Variants in CSGALNACT1 observed in about 807,000 individuals in gnomAD.
The protein encoded by CSGALNACT1 is chondroitin sulfate N-acetylgalactosaminyltransferase 1.
CSGALNACT1 carries 52 observed loss-of-function variants against 51.0 expected under a neutral mutation model. The observed-to-expected ratio is 1.02, with a 90% CI of 0.82 to 1.29. The LOEUF (loss-of-function observed/expected upper bound fraction) is 1.29, where lower values mean the gene tolerates loss of function less well. Ranked by LOEUF, CSGALNACT1 falls within the 50% of genes most tolerant of loss-of-function variation. The probability of loss-of-function intolerance (pLI) is 0.00; values close to 1 mark genes in which losing one functional copy is unlikely to be tolerated. For synonymous variants in CSGALNACT1, 341 were observed against 254.4 expected (o/e 1.34, Z -3.24); for missense variants, 935 against 679.2 (o/e 1.38, Z -4.19).
At chr8:19,440,922 T>C (rs1052855503) in intron 5 of CSGALNACT1, among the ~76,000 whole-genome samples, 12 of 151,966 alleles carry the variant, frequency 7.9e-5, no homozygotes, top group African/African-American at 2.7e-4. Context: ...TATACACCAA[T>C]AACAGACAAA....
intron 3 of CSGALNACT1, among the ~76,000 whole-genome samples, chr8:19,524,357 C>T (rs180789357): frequency 4.6e-5 from 7 of 152,116 alleles, no homozygotes; most frequent in Non-Finnish European, 2.9e-5. Context: ...CCGCTATTAA[C>T]GATGCATGTT....
intron 1 of CSGALNACT1, among the ~76,000 whole-genome samples, chr8:19,722,567 G>T (rs561459899): frequency 6.6e-6 from 1 of 152,270 alleles, no homozygotes; most frequent in African/African-American, 2.4e-5. Context: ...CCAGCCTAGG[G>T]TCATGGGTGG....
chr8:19,514,737 G>T (rs1374837433), intron 3 of CSGALNACT1, among the ~76,000 whole-genome samples: 1 of 150,946 alleles, frequency 6.6e-6, no homozygotes, highest in Non-Finnish European at 1.5e-5. Flanking sequence ...GGAGGCTGAG[G>T]AAGGAAAATC....
At chr8:19,465,565 C>A (rs1010189837) in intron 4 of CSGALNACT1, among the ~76,000 whole-genome samples, 2 of 152,196 alleles carry the variant, frequency 1.3e-5, no homozygotes, top group Non-Finnish European at 2.9e-5. Context: ...ACAGACACAG[C>A]CCATGCACAT....
intron 1 of CSGALNACT1, among the ~76,000 whole-genome samples, chr8:19,631,911 G>C (rs541526940): frequency 6.6e-6 from 1 of 152,288 alleles, no homozygotes; most frequent in African/African-American, 2.4e-5. Context: ...TTCTTCTATA[G>C]CTTATCCAGA....
At chr8:19,587,845 C>T (rs149972892) in intron 3 of CSGALNACT1, 1 of 152,116 alleles carries the variant, frequency 6.6e-6, no homozygotes, top group African/African-American at 2.4e-5. Flanking sequence ...TAATAAACTT[C>T]CAGCTATGAT....
chr8:19,644,338 T>C (rs1292508176), intron 1 of CSGALNACT1, among the ~76,000 whole-genome samples: 1 of 151,946 alleles, frequency 6.6e-6, no homozygotes, highest in African/African-American at 2.4e-5. Flanking sequence ...TATTTCTTTT[T>C]TGTTTTCACA....
chr8:19,692,155 C>T (rs1393701369), intron 1 of CSGALNACT1, among the ~76,000 whole-genome samples: 1 of 152,158 alleles, frequency 6.6e-6, no homozygotes, highest in African/African-American at 2.4e-5. Context: ...CCCCATGATC[C>T]AATCACCTCC....
intron 1 of CSGALNACT1, among the ~76,000 whole-genome samples, chr8:19,613,537 C>T (rs1202333754): frequency 1.3e-5 from 2 of 152,204 alleles, no homozygotes; most frequent in Admixed American, 6.6e-5. Context: ...CATTGTTTTG[C>T]TAAAGCAGTT....
chr8:19,583,889 G>A (rs1256141820), intron 3 of CSGALNACT1, among the ~76,000 whole-genome samples: 1 of 152,170 alleles, frequency 6.6e-6, no homozygotes, highest in Non-Finnish European at 1.5e-5. Flanking sequence ...CATACTTTGG[G>A]TTTGAGAGAA....
chr8:19,728,856 C>T (rs2063542303), intron 1 of CSGALNACT1, among the ~76,000 whole-genome samples: 3 of 152,056 alleles, frequency 2.0e-5, no homozygotes, highest in African/African-American at 4.8e-5. Flanking sequence ...AACTCACCCA[C>T]CTTTGGCATA....
chr8:19,679,780 A>C (rs1162136001), intron 1 of CSGALNACT1, among the ~76,000 whole-genome samples: 1 of 152,128 alleles, frequency 6.6e-6, no homozygotes, highest in East Asian at 1.9e-4. Flanking sequence ...TCTGACATAC[A>C]AGAGGGTGGA....
At chr8:19,740,426 T>C (rs560360943) in intron 1 of CSGALNACT1, among the ~76,000 whole-genome samples, 1 of 152,214 alleles carries the variant, frequency 6.6e-6, no homozygotes, top group African/African-American at 2.4e-5. Flanking sequence ...TCCTCCAGGA[T>C]GAAAGGACAG....
intron 1 of CSGALNACT1, among the ~76,000 whole-genome samples, chr8:19,719,625 T>C (rs10503661): frequency 0.17 from 26,496 of 152,166 alleles, 2,698 homozygotes; most frequent in East Asian, 0.5. Context: ...TGTTGTTTCT[T>C]ACTGGGATTC....
At chr8:19,619,692 C>A (rs1401761650) in intron 1 of CSGALNACT1, among the ~76,000 whole-genome samples, 1 of 152,216 alleles carries the variant, frequency 6.6e-6, no homozygotes, top group African/African-American at 2.4e-5. Context: ...GTTCAAAACA[C>A]AGTTTTGAAC....
chr8:19,657,871 G>A (rs1286715172), intron 1 of CSGALNACT1, among the ~76,000 whole-genome samples: 1 of 151,998 alleles, frequency 6.6e-6, no homozygotes, highest in Non-Finnish European at 1.5e-5. Context: ...GAGCACCTTG[G>A]GCACCCCCGA....
intron 3 of CSGALNACT1, among the ~76,000 whole-genome samples, chr8:19,550,615 A>C (rs1450051248): frequency 6.6e-6 from 1 of 152,082 alleles, no homozygotes; most frequent in East Asian, 1.9e-4. Flanking sequence ...GACGATCCTC[A>C]AATGTATAGT....
At chr8:19,612,643 C>T (rs1341477269) in intron 1 of CSGALNACT1, among the ~76,000 whole-genome samples, 1 of 151,910 alleles carries the variant, frequency 6.6e-6, no homozygotes, top group Non-Finnish European at 1.5e-5. Context: ...GGAGGCAGCC[C>T]CCACCCAGAA....
chr8:19,451,118 G>C (rs1194347064), intron 5 of CSGALNACT1, among the ~76,000 whole-genome samples: 2 of 152,068 alleles, frequency 1.3e-5, no homozygotes, highest in African/African-American at 4.8e-5. Flanking sequence ...TCATTTATTT[G>C]GTGGTTCAAT....
Sources: allele counts gnomAD v4.1 joint callset (sites outside exome capture counted in the v4.1 genomes callset), GRCh38; gene constraint gnomAD v4.1.1; transcripts MANE v1.5; gene names NCBI Gene and HGNC (gene_info 2026-07-23, HGNC 2026-07-21).